Variants in MOB1A observed in about 807,000 individuals in gnomAD.
The protein encoded by MOB1A is MOB1 Mps One Binder homolog A.
Under a neutral mutation model 25.1 loss-of-function variants are expected in MOB1A, and 10 were observed. The ratio of observed to expected loss-of-function variants is 0.40; its 90% CI spans 0.25 to 0.68. The LOEUF is 0.68. Ranked by LOEUF, MOB1A falls within the 30% of genes least tolerant of loss-of-function variation. The pLI, the probability that MOB1A is intolerant of heterozygous loss-of-function variation, is 0.40. For missense variants in MOB1A, 177 were observed against 256.3 expected (o/e 0.69, Z 2.11); for synonymous variants, 81 against 79.5 (o/e 1.02, Z -0.10).
intron 5 of MOB1A, among the ~76,000 whole-genome samples, chr2:74,158,780 A>AAC (rs1462457113): frequency 6.9e-6 from 1 of 144,138 alleles, no homozygotes; most frequent in African/African-American, 2.6e-5. Flanking sequence ...CCCTGTCTCA[A>AAC]AAAAAAAAAA....
chr2:74,161,339 A>G (rs1692965895), intron 4 of MOB1A, among the ~76,000 whole-genome samples: 1 of 152,110 alleles, frequency 6.6e-6, no homozygotes, highest in Non-Finnish European at 1.5e-5. Flanking sequence ...TCTTGTATTC[A>G]TGTATTGAAA....
intron 4 of MOB1A, chr2:74,164,706 A>C (rs1040914609): frequency 2.0e-5 from 3 of 152,222 alleles, no homozygotes; most frequent in Non-Finnish European, 4.4e-5. Context: ...GGAAAAAGAT[A>C]TACAACACAT....
intron 5 of MOB1A, 143 bp from the exon 6 acceptor site, chr2:74,156,788 G>A: frequency 1.6e-6 from 1 of 627,462 alleles, no homozygotes; most frequent in Non-Finnish European, 2.8e-6. Context: ...TTTAAAGTAG[G>A]CATTTATTCT....
intron 1 of MOB1A, among the ~76,000 whole-genome samples, chr2:74,177,556 A>G (rs7567033): frequency 0.16 from 24,544 of 152,058 alleles, 2,334 homozygotes; most frequent in East Asian, 0.38. Context: ...ACCCAAAGGA[A>G]GGAAAATGAG....
chr2:74,173,732 C>T (rs1352610560), intron 1 of MOB1A, among the ~76,000 whole-genome samples: 1 of 148,928 alleles, frequency 6.7e-6, no homozygotes, highest in Non-Finnish European at 1.5e-5. Context: ...GGGTGGATCA[C>T]GAGGTCAGGA....
At position 74,168,852 on chromosome 2, in the gene MOB1A, T is replaced by C. The variant is rs1436585872; in HGVS notation, c.182-1745A>G. Among the ~76,000 whole-genome samples, 3 of 152,146 alleles carry C rather than the reference T, an allele frequency of 2.0e-5. No individual in the cohort carries two copies. The East Asian group carries it at 5.8e-4, about 29-fold the overall frequency. On this transcript the variant is annotated intron_variant, in intron 2 of 5. Transcript: ENST00000396049. ...TTCAATATTCACTCAAAACAAAAAATATGCCCAGGTGGAAGTTGGTTTGGT... is the reference window on the plus strand; with the variant it reads ...TTCAATATTCACTCAAAACAAAAAACATGCCCAGGTGGAAGTTGGTTTGGT...
In MOB1A at chr2:74,166,878, C is replaced by A. The variant is rs1043596234; in HGVS notation, c.275+136G>T. On this transcript the variant is annotated intron_variant, in intron 3 of 5. Transcript: ENST00000396049. ...AAATTACACAATAACTAAAAGCTTA[C>A]AGGTGAGTAGTCAAGAACCAATAAA... The A allele has an allele frequency of 1.2e-5, 7 of 604,898 alleles. No homozygotes were observed. The East Asian group carries it at 2.0e-4, about 17-fold the overall frequency. The allele number at this position is 604,898 out of a possible 1,614,324, so 37.5% of individuals were successfully genotyped here.
At chr2:74,171,322 G>T (rs1231401130) in intron 2 of MOB1A, among the ~76,000 whole-genome samples, 1 of 151,724 alleles carries the variant, frequency 6.6e-6, no homozygotes. Context: ...AAAAATAAAA[G>T]AAACATTTAT....
chr2:74,167,393 A>G (rs755692990), intron 2 of MOB1A, among the ~76,000 whole-genome samples: 73 of 152,240 alleles, frequency 4.8e-4, no homozygotes, highest in Middle Eastern at 3.4e-3. Flanking sequence ...TTACAGGTGC[A>G]TGCCACCACG....
chr2:74,170,378 C>A (rs1039067849), intron 2 of MOB1A, among the ~76,000 whole-genome samples: 4 of 152,018 alleles, frequency 2.6e-5, no homozygotes, highest in Non-Finnish European at 5.9e-5. Flanking sequence ...ACCTCGTGAT[C>A]CGCCTGCCTC....
At chr2:74,174,128 G>C (rs1349547507) in intron 1 of MOB1A, among the ~76,000 whole-genome samples, 1 of 150,896 alleles carries the variant, frequency 6.6e-6, no homozygotes, top group Non-Finnish European at 1.5e-5. Flanking sequence ...AAAATTAGCT[G>C]GGCGTGGTGG....
chr2:74,174,827 G>T (rs1266766662), intron 1 of MOB1A, among the ~76,000 whole-genome samples: 1 of 152,196 alleles, frequency 6.6e-6, no homozygotes. Flanking sequence ...GAATCCTTTA[G>T]AAAAATAGGC....
intron 3 of MOB1A, among the ~76,000 whole-genome samples, chr2:74,165,677 G>A (rs1323755071): frequency 1.3e-5 from 2 of 152,146 alleles, no homozygotes; most frequent in South Asian, 2.1e-4. Context: ...GGAGCCGATG[G>A]ATCCACTACA....
chr2:74,178,455 G>A, intron 1 of MOB1A: 2 of 373,154 alleles, frequency 5.4e-6, no homozygotes, highest in Non-Finnish European at 9.5e-6. Flanking sequence ...CAGCCTTCAC[G>A]CTCCGTTTCC....
chr2:74,159,423 C>T (rs1003502315), intron 4 of MOB1A, among the ~76,000 whole-genome samples, 169 bp from the exon 5 acceptor site: 2 of 152,136 alleles, frequency 1.3e-5, no homozygotes, highest in Non-Finnish European at 2.9e-5. Context: ...CCCCAAATAA[C>T]CTGCACTACA....
Position 74,156,486 on chromosome 2 carries a change from A to G in MOB1A, c.*82T>C, listed in dbSNP as rs963536689. ...TTTATCCTGTTTTCTTAAAGTTTGT[A>G]TCACTAGTCTATAACAGATAGCAAT... On this transcript the variant is annotated 3_prime_UTR_variant, in exon 6 of 6. Transcript: ENST00000396049. 4.0e-6 allele frequency: 4 copies of G among 1,006,266 alleles called. No homozygotes were observed. Among genetic ancestry groups the G allele is most frequent in the Non-Finnish European group, 4.6e-6 (3 of 659,022 alleles). 62.3% of individuals were successfully genotyped at this position (1,006,266 alleles called of 1,614,324 possible).
intron 4 of MOB1A, among the ~76,000 whole-genome samples, chr2:74,163,380 A>T (rs536152346): frequency 6.6e-6 from 1 of 152,330 alleles, no homozygotes; most frequent in Non-Finnish European, 1.5e-5. Flanking sequence ...TGACACCTGT[A>T]ATTCCAACAC....
intron 5 of MOB1A, 113 bp from the exon 6 acceptor site, chr2:74,156,758 G>T: frequency 1.4e-6 from 1 of 711,982 alleles, no homozygotes; most frequent in Non-Finnish European, 2.4e-6. Flanking sequence ...AAAGAATGAT[G>T]AAATAACCTC....
chr2:74,176,275 C>CAAA (rs1201428854), intron 1 of MOB1A, among the ~76,000 whole-genome samples: 1,064 of 29,338 alleles, frequency 0.036, 99 homozygotes, highest in Middle Eastern at 0.11. Flanking sequence ...GACCCTGTCT[C>CAAA]AAAAAAAAAA....
Sources: allele counts gnomAD v4.1 joint callset (sites outside exome capture counted in the v4.1 genomes callset), GRCh38; gene constraint gnomAD v4.1.1; transcripts MANE v1.5; gene names NCBI Gene and HGNC (gene_info 2026-07-23, HGNC 2026-07-21).